ITGA9: variants seen among roughly 807,000 people sequenced by gnomAD.
ITGA9 encodes the protein integrin alpha-9.
Under a neutral mutation model 127.8 loss-of-function variants are expected in ITGA9, and 56 were observed. That is an observed-to-expected ratio of 0.44 (90% CI 0.35 to 0.55). The LOEUF is 0.55. Ranked by LOEUF, ITGA9 falls within the 20% of genes least tolerant of loss-of-function variation. The pLI is 0.00. For missense variants in ITGA9, 1,196 were observed against 1,347.1 expected, an observed-to-expected ratio of 0.89 and a Z score of 1.76; for synonymous variants, 508 against 514.5, an observed-to-expected ratio of 0.99 and a Z score of 0.17.
At chr3:37,561,451 A>G (rs1699486703) in intron 15 of ITGA9, among the ~76,000 whole-genome samples, 1 of 152,220 alleles carries the variant, frequency 6.6e-6, no homozygotes, top group African/African-American at 2.4e-5. Flanking sequence ...CAGTTCCTGA[A>G]TCAACTAATA....
At chr3:37,787,129 C>A (rs1697051297) in intron 26 of ITGA9, among the ~76,000 whole-genome samples, 1 of 152,176 alleles carries the variant, frequency 6.6e-6, no homozygotes, top group Non-Finnish European at 1.5e-5. Context: ...AAAGTGGTTC[C>A]CTGCTCATTG....
At chr3:37,817,031 G>A (rs2125568660) in intron 27 of ITGA9, among the ~76,000 whole-genome samples, 1 of 152,352 alleles carries the variant, frequency 6.6e-6, no homozygotes, top group East Asian at 1.9e-4. Context: ...TAGAAAGATG[G>A]TGGCAACAGA....
chr3:37,673,699 A>G (rs188754327), intron 17 of ITGA9, among the ~76,000 whole-genome samples: 1 of 152,236 alleles, frequency 6.6e-6, no homozygotes, highest in Admixed American at 6.5e-5. Flanking sequence ...AATCCCTTCT[A>G]TGAACTACCT....
At chr3:37,560,928 T>C (rs935884394) in intron 15 of ITGA9, among the ~76,000 whole-genome samples, 1 of 152,226 alleles carries the variant, frequency 6.6e-6, no homozygotes, top group African/African-American at 2.4e-5. Flanking sequence ...GGCTTGTAGA[T>C]GACTGCCTTT....
chr3:37,538,337 G>C (rs547255390), intron 14 of ITGA9, among the ~76,000 whole-genome samples: 292 of 152,350 alleles, frequency 1.9e-3, no homozygotes, highest in African/African-American at 6.7e-3. Flanking sequence ...CCGTGCAGGG[G>C]GGCTCCTCGG....
intron 18 of ITGA9, among the ~76,000 whole-genome samples, chr3:37,705,648 G>A (rs1225145112): frequency 6.6e-6 from 1 of 152,204 alleles, no homozygotes; most frequent in Non-Finnish European, 1.5e-5. Context: ...CCTGCTTTCT[G>A]TATCGGCTTT....
intron 15 of ITGA9, among the ~76,000 whole-genome samples, chr3:37,552,698 C>A (rs182459693): frequency 6.6e-6 from 1 of 152,298 alleles, no homozygotes. Context: ...ATGTTACACA[C>A]ACACACGTTT....
At chr3:37,596,642 G>A (rs1699873404) in intron 15 of ITGA9, among the ~76,000 whole-genome samples, 1 of 152,148 alleles carries the variant, frequency 6.6e-6, no homozygotes, top group Non-Finnish European at 1.5e-5. Context: ...AGCTGGCTAG[G>A]AGCTATTTAA....
chr3:37,692,571 A>G (rs1295201769), intron 18 of ITGA9, among the ~76,000 whole-genome samples: 2 of 152,190 alleles, frequency 1.3e-5, no homozygotes, highest in East Asian at 1.9e-4. Flanking sequence ...AGGTCAGTTC[A>G]ATAAATGTCT....
At chr3:37,777,987 G>T (rs1208309260) in intron 24 of ITGA9, among the ~76,000 whole-genome samples, 1 of 152,216 alleles carries the variant, frequency 6.6e-6, no homozygotes, top group Non-Finnish European at 1.5e-5. Flanking sequence ...GAACAATGCA[G>T]ATATCCATCA....
intron 26 of ITGA9, among the ~76,000 whole-genome samples, chr3:37,795,547 C>T (rs1280355446): frequency 6.6e-6 from 1 of 152,120 alleles, no homozygotes. Context: ...GTCTCAAAGG[C>T]CTGTTTGCCC....
chr3:37,642,548 G>C (rs1700343626), intron 16 of ITGA9, among the ~76,000 whole-genome samples: 1 of 152,210 alleles, frequency 6.6e-6, no homozygotes, highest in African/African-American at 2.4e-5. Context: ...AAAGAAATGT[G>C]TTCTGTAATC....
chr3:37,678,694 T>A (rs775565332), intron 17 of ITGA9, among the ~76,000 whole-genome samples: 3 of 152,174 alleles, frequency 2.0e-5, no homozygotes, highest in Non-Finnish European at 4.4e-5. Context: ...ATCTAAGTGA[T>A]CCAACAGAAT....
At position 37,471,108 on chromosome 3, in the gene ITGA9, G is replaced by A. The variant is rs1289617155; in HGVS notation, c.287G>A (p.Arg96Lys). The change falls in exon 2 of 28, where the codon AGA (arginine) becomes AAA (lysine). Residue 96 changes from arginine (R) to lysine (K), a missense_variant. Arg to Lys is a conservative substitution (Grantham distance 26, BLOSUM62 2). Transcript: ENST00000264741. The part of the protein sequence containing the change: ...KCRVHTNPDR[R>K]CTELDMARGK... The stretch of plus-strand genomic sequence containing the variant: ...CGTGTTCACACCAACCCTGACCGGA[G>A]ATGCACCGAACTGGACATGGCTCGA... 1.9e-6 allele frequency: 3 copies of A among 1,614,116 alleles called. No homozygotes were observed. Among genetic ancestry groups the A allele is most frequent in the East Asian group, 2.2e-5 (1 of 44,864 alleles).
intron 5 of ITGA9, among the ~76,000 whole-genome samples, chr3:37,499,395 G>A (rs1698766010): frequency 6.6e-6 from 1 of 152,186 alleles, no homozygotes; most frequent in Non-Finnish European, 1.5e-5. Context: ...ACATACCCCG[G>A]TTCCTCTAGG....
intron 1 of ITGA9, among the ~76,000 whole-genome samples, chr3:37,467,323 C>T (rs1315242909): frequency 2.0e-5 from 3 of 152,194 alleles, no homozygotes; most frequent in African/African-American, 7.2e-5. Context: ...GGGTTTGAAT[C>T]AGCTATTGTT....
intron 22 of ITGA9, chr3:37,745,514 C>A (rs1207364878): frequency 6.6e-6 from 1 of 152,124 alleles, no homozygotes; most frequent in African/African-American, 2.4e-5. Context: ...GGGTTTATTT[C>A]ATCTTAGTTG....
chr3:37,552,079 C>T (rs573831576), intron 15 of ITGA9, among the ~76,000 whole-genome samples: 31 of 152,316 alleles, frequency 2.0e-4, no homozygotes, highest in African/African-American at 6.0e-4. Flanking sequence ...AGCTTCCCTT[C>T]GTGCTGTGTG....
chr3:37,506,051 T>C lies in ITGA9; in HGVS notation c.794T>C (p.Val265Ala), dbSNP rs535228498. 12 of 1,610,352 alleles carry C rather than the reference T, an allele frequency of 7.5e-6. No individual in the cohort carries two copies. The Admixed American group carries it at 1.0e-4, about 14-fold the overall frequency. Residue 265 changes from valine (V) to alanine (A), a missense_variant, in exon 7 of 28, where the codon GTA becomes GCA. Val to Ala is a moderately conservative substitution (Grantham distance 64). Coordinates refer to ENST00000264741, the MANE Select transcript of ITGA9 (RefSeq NM_002207.3). ...HFSHPSTIDVVGGAPQDKGIG... is the reference protein window; with the variant it reads ...HFSHPSTIDVAGGAPQDKGIG... ...TCTCACCCGTCCACCATTGATGTGG[T>C]AGGAGGTGCCCCACAGGACAAAGGC...
Sources: allele counts gnomAD v4.1 joint callset (sites outside exome capture counted in the v4.1 genomes callset), GRCh38; gene constraint gnomAD v4.1.1; transcripts MANE v1.5; gene names NCBI Gene and HGNC (gene_info 2026-07-23, HGNC 2026-07-21).